The following SLC26A5 variants were observed in gnomAD, a reference collection of about 807,000 sequenced individuals.
SLC26A5 encodes the protein prestin.
Under a neutral mutation model 81.0 loss-of-function variants are expected in SLC26A5, and 51 were observed. The ratio of observed to expected loss-of-function variants is 0.63; its 90% CI spans 0.50 to 0.80. SLC26A5 has a LOEUF of 0.80. Among genes scored for constraint, SLC26A5 ranks in the 30% least tolerant of loss-of-function variants. The pLI is 0.00. For synonymous variants in SLC26A5, 325 were observed against 332.8 expected, an observed-to-expected ratio of 0.98 and a Z score of 0.25; for missense variants, 771 against 905.8, an observed-to-expected ratio of 0.85 and a Z score of 1.91.
intron 19 of SLC26A5, chr7:103,354,944 T>A: frequency 6.3e-7 from 1 of 1,596,176 alleles, no homozygotes; most frequent in Non-Finnish European, 8.6e-7. Context: ...ATTAATGAGC[T>A]CACTGGTATG....
At chr7:103,411,315 C>A in intron 6 of SLC26A5, 105 bp downstream of exon 6, 1 of 1,371,664 alleles carries the variant, frequency 7.3e-7, no homozygotes, top group East Asian at 2.3e-5. Context: ...TGGGGTTTTT[C>A]TGGCTGACCC....
chr7:103,387,197 G>C (rs1166073431), intron 14 of SLC26A5, among the ~76,000 whole-genome samples: 1 of 152,210 alleles, frequency 6.6e-6, no homozygotes, highest in Non-Finnish European at 1.5e-5. Context: ...GTTGGAACTT[G>C]TTATTAAAGG....
At chr7:103,368,260 A>ACC (rs1191120411) in intron 19 of SLC26A5, 2 of 525,078 alleles carry the variant, frequency 3.8e-6, no homozygotes, top group East Asian at 3.4e-5. Flanking sequence ...TTTGACCCAC[A>ACC]CCCGTTTAAG....
chr7:103,391,183 A>T (rs1283361272), intron 11 of SLC26A5, among the ~76,000 whole-genome samples: 1 of 152,188 alleles, frequency 6.6e-6, no homozygotes, highest in Non-Finnish European at 1.5e-5. Context: ...ATTTGTAAAA[A>T]TTAAAAGTCA....
At position 103,378,558 on chromosome 7, in the gene SLC26A5, A is replaced by G; in HGVS notation, c.1678-5T>C. 1 of 1,613,386 alleles carries G rather than the reference A, an allele frequency of 6.2e-7. No individual in the cohort carries two copies. The highest frequency in any genetic ancestry group is 1.1e-5 in the South Asian group (1 of 91,060). On this transcript the variant is annotated splice_polypyrimidine_tract_variant and splice_region_variant and intron_variant, in intron 16 of 19. Transcript: ENST00000306312. ...GACTGCTGGGTTCACTCCAGTCTTT[A>G]CAGAAGAGCACCATATGCAAAATCA...
chr7:103,389,010 C>T lies in SLC26A5; in HGVS notation c.1512G>A (p.Gln504=). The T allele has an allele frequency of 6.2e-7, 1 of 1,609,060 alleles. No individual in the cohort carries two copies. The highest frequency in any genetic ancestry group is 1.1e-5 in the South Asian group (1 of 90,746). ...IALLTVIYRT[Q]SPSYKVLGKL... ...CCCATTCCAATCTGGGCACTCACCT[C>T]TGTGTTCTGTAAATCACAGTCAGCA... is the stretch of plus-strand genomic sequence containing the variant. The change falls in exon 14 of 20, where the codon CAG becomes CAA. Residue 504 remains glutamine, a splice_region_variant and synonymous_variant. Transcript: ENST00000306312.
chr7:103,362,222 G>A (rs1820453265), intron 19 of SLC26A5: 7 of 1,471,104 alleles, frequency 4.8e-6, no homozygotes, highest in Non-Finnish European at 5.4e-6. Context: ...ATGTACTATA[G>A]TTGAAAATTC....
In SLC26A5 at chr7:103,359,959, T is replaced by G. The variant is rs145567269; in HGVS notation, c.2042-7033A>C. Reference sequence around the variant, plus strand: ...AGCTGGGCGTGGTGGCAGGCGCCTGTAATCCCAGACACTTAGGAGGCTGAC... The same window carrying G: ...AGCTGGGCGTGGTGGCAGGCGCCTGGAATCCCAGACACTTAGGAGGCTGAC... On this transcript the variant is annotated intron_variant, in intron 19 of 19. Coordinates refer to the SLC26A5 transcript ENST00000339444. 7.1e-3 allele frequency among the ~76,000 whole-genome samples: 1,086 copies of G among 151,976 alleles called. 22 individuals are homozygous for G. Among genetic ancestry groups the G allele is most frequent in the East Asian group, 0.062 (320 of 5,158 alleles).
At chr7:103,384,277 T>C (rs1292306645) in intron 14 of SLC26A5, among the ~76,000 whole-genome samples, 2 of 151,860 alleles carry the variant, frequency 1.3e-5, no homozygotes, top group African/African-American at 2.4e-5. Flanking sequence ...GATGAGACAC[T>C]GTGTTTGGCC....
chr7:103,383,258 T>C (rs536069417), intron 14 of SLC26A5, among the ~76,000 whole-genome samples: 1 of 152,028 alleles, frequency 6.6e-6, no homozygotes. Context: ...GGAGGCAGAG[T>C]AAGGGATGGG....
chr7:103,362,200 G>C, intron 19 of SLC26A5: 1 of 1,537,192 alleles, frequency 6.5e-7, no homozygotes, highest in Non-Finnish European at 8.7e-7. Flanking sequence ...AATACCAAAG[G>C]ATGATCTAGT....
At chr7:103,364,385 G>A in intron 19 of SLC26A5, 4 of 1,501,940 alleles carry the variant, frequency 2.7e-6, no homozygotes, top group Non-Finnish European at 3.7e-6. Flanking sequence ...TGGCACTTCT[G>A]CATTGAGGGA....
At position 103,367,264 on chromosome 7, in the gene SLC26A5, C is replaced by A; in HGVS notation, c.2041+9544G>T. ...ACTTTCTAATTAGTTTTATATAAAG[C>A]AAGCTGTTCTTACAGGATTTGCTTC... is the stretch of plus-strand genomic sequence containing the variant. On this transcript the variant is annotated intron_variant, in intron 19 of 19. Coordinates refer to the SLC26A5 transcript ENST00000339444. This position sits in a 1 kb window ranked among gnomAD's most constrained non-coding sequence, Gnocchi z 6.1. The A allele has an allele frequency of 1.6e-6, 1 of 637,830 alleles. No homozygotes were observed. The highest frequency in any genetic ancestry group is 2.8e-6 in the Non-Finnish European group (1 of 360,010). The allele number at this position is 637,830 out of a possible 1,614,324, so 39.5% of individuals were successfully genotyped here.
rs562283682 is a variant in SLC26A5 at position 103,394,976 on chromosome 7, C to T, written c.972-1910G>A. On this transcript the variant is annotated intron_variant, in intron 9 of 19. Coordinates refer to ENST00000306312, the MANE Select transcript of SLC26A5 (RefSeq NM_198999.3). ...CACATGTAGAGAAGATGCCTGCTAGCCCTCACCTGTTCCAGTGACTCCAGA... is the reference window on the plus strand; with the variant it reads ...CACATGTAGAGAAGATGCCTGCTAGTCCTCACCTGTTCCAGTGACTCCAGA... Among the ~76,000 whole-genome samples the T allele has an allele frequency of 2.0e-5, 3 of 152,314 alleles. No individual in the cohort carries two copies. The East Asian group carries it at 5.8e-4, about 29-fold the overall frequency.
rs201606134 is a variant in SLC26A5 at position 103,353,900 on chromosome 7, G to A, written c.2042-974C>T. On this transcript the variant is annotated intron_variant, in intron 19 of 19. Transcript: ENST00000339444. ...ATTCTAGTTTCTTTTTGAATCTCAC[G>A]TATTGTCTCTCTTCTTTCAGCTCTG... 3.4e-5 allele frequency: 54 copies of A among 1,594,714 alleles called. No homozygotes were observed. In the South Asian group the frequency reaches 3.5e-4, roughly 10 times the overall value.
chr7:103,391,014 C>T (rs917275938), intron 11 of SLC26A5, among the ~76,000 whole-genome samples: 11 of 152,164 alleles, frequency 7.2e-5, no homozygotes, highest in Admixed American at 1.3e-4. Flanking sequence ...TACAGGCATC[C>T]GCCACCATGC....
chr7:103,385,321 C>G (rs567917352), intron 14 of SLC26A5, among the ~76,000 whole-genome samples: 1 of 152,230 alleles, frequency 6.6e-6, no homozygotes, highest in South Asian at 2.1e-4. Context: ...CGCCACCACG[C>G]CTGGCTAATT....
Position 103,421,667 on chromosome 7 carries a change from T to G in SLC26A5, c.-53-100A>C, listed in dbSNP as rs1323217465. 3 of 786,508 alleles carry G rather than the reference T, an allele frequency of 3.8e-6. No homozygotes were observed. The African/African-American group carries it at 5.2e-5, about 14-fold the overall frequency. The allele number at this position is 786,508 out of a possible 1,614,324, so 48.7% of individuals were successfully genotyped here. A position where few individuals can be genotyped will look rare whatever the true frequency, so the allele number is the denominator to read the frequency against. On this transcript the variant is annotated intron_variant, in intron 2 of 19. Coordinates refer to ENST00000306312, the MANE Select transcript of SLC26A5 (RefSeq NM_198999.3). The stretch of plus-strand genomic sequence containing the variant: ...GTGGTGTTCCAAGTTCTTCTGAGGC[T>G]TTCTTTGGACGCCCCAGAGGACCTA...
intron 8 of SLC26A5, among the ~76,000 whole-genome samples, chr7:103,405,012 G>T (rs1056024131): frequency 6.6e-6 from 1 of 151,804 alleles, no homozygotes; most frequent in Non-Finnish European, 1.5e-5. Flanking sequence ...AAATTCTTGT[G>T]CTGTGTTTTT....
Sources: gnomAD v4.1 joint callset for allele counts (sites outside exome capture counted in the v4.1 genomes callset) on GRCh38, gnomAD v4.1.1 for gene constraint, Gnocchi (gnomAD v3.1) non-coding constraint, MANE v1.5 for transcripts, NCBI Gene and HGNC (gene_info 2026-07-23, HGNC 2026-07-21) for gene names.